PPDPF: variants seen among roughly 807,000 people sequenced by gnomAD.
The protein encoded by PPDPF is exocrine differentiation and proliferation factor.
A neutral mutation model predicts 6.3 loss-of-function variants in PPDPF; 11 were observed. The ratio of observed to expected loss-of-function variants is 1.76; its 90% CI spans 1.11 to 2.91. The LOEUF is 2.91. Ranked by LOEUF, PPDPF falls within the 30% of genes most tolerant of loss-of-function variation. The probability of loss-of-function intolerance (pLI) is 0.00; values close to 1 mark genes in which losing one functional copy is unlikely to be tolerated. For missense variants in PPDPF, 202 were observed against 159.4 expected, an observed-to-expected ratio of 1.27 and a Z score of -1.44; for synonymous variants, 86 against 64.5, an observed-to-expected ratio of 1.33 and a Z score of -1.60.
chr20:63,520,804 G>A lies in PPDPF; in HGVS notation c.-116G>A, dbSNP rs310625. 53,527 of 984,854 alleles carry A rather than the reference G, an allele frequency of 0.054. 2,787 individuals carry two copies. Among genetic ancestry groups the A allele is most frequent in the East Asian group, 0.24 (2,090 of 8,704 alleles). The allele number at this position is 984,854 out of a possible 1,614,324, so 61.0% of individuals were successfully genotyped here. On this transcript the variant is annotated 5_prime_UTR_variant, in exon 1 of 4. Coordinates refer to ENST00000370179, the MANE Select transcript of PPDPF (RefSeq NM_024299.4). ...TCTCTGTCGTGGCGCGGCTTCCCGC[G>A]GTCTTCTCTGCAAATGGGCTCCGTG... is the stretch of plus-strand genomic sequence containing the variant.
intron 1 of PPDPF, 28 bp downstream of exon 1, chr20:63,520,922 G>C: frequency 2.0e-6 from 2 of 1,008,718 alleles, no homozygotes; most frequent in Non-Finnish European, 2.4e-6. Flanking sequence ...CGGGTGGGAC[G>C]AGCAGGCCCG....
rs1600924568 is a variant in PPDPF at position 63,521,540 on chromosome 20, C to G, written c.84C>G (p.Ser28Arg). Reference protein sequence around the residue: ...RRRLGSTSSNSSCSSTECPGE... With the variant: ...RRRLGSTSSNRSCSSTECPGE... The stretch of plus-strand genomic sequence containing the variant: ...GCCTGGGTTCCACTTCCAGCAACAG[C>G]TCCTGCAGCAGTACCGAGTGCCCCG... Residue 28 changes from serine (S) to arginine (R), a missense_variant, in exon 3 of 4, where the codon AGC (serine) becomes AGG (arginine). Ser to Arg is a moderately radical substitution (Grantham distance 110). Coordinates refer to ENST00000370179, the MANE Select transcript of PPDPF (RefSeq NM_024299.4). 2.5e-6 allele frequency: 4 copies of G among 1,592,676 alleles called. No individual in the cohort carries two copies. The East Asian group carries it at 9.0e-5, about 36-fold the overall frequency.
Position 63,521,783 on chromosome 20 carries a change from C to T in PPDPF, c.249C>T (p.Ala83=), listed in dbSNP as rs753571555. 3.1e-6 allele frequency: 5 copies of T among 1,612,742 alleles called. No individual in the cohort carries two copies. The highest frequency in any genetic ancestry group is 1.7e-5 in the Admixed American group (1 of 60,014). Residue 83 remains alanine, a synonymous_variant, in exon 4 of 4, where the codon GCC becomes GCT. Transcript: ENST00000370179. ...CAGAGCACTCGGAACCTCCCCAGGC[C>T]TCCAGCAGCATGACCGCCTGTGGCC... ...ESAEHSEPPQ[A]SSSMTACGLA... is the part of the protein sequence containing the mutation.
At chr20:63,521,630 G>A in intron 3 of PPDPF, 38 bp from the exon 4 acceptor site, 4 of 1,612,708 alleles carry the variant, frequency 2.5e-6, no homozygotes, top group Non-Finnish European at 3.4e-6. Context: ...GCTCCTCCAG[G>A]AGCTGGCAGC....
In PPDPF at chr20:63,521,528, T is replaced by C. The variant is rs753927907; in HGVS notation, c.72T>C (p.Thr24=). ...HDYYRRRLGS[T]SSNSSCSSTE... is the part of the protein sequence containing the mutation. ...CCTCTCCAGGCCGCCTGGGTTCCACTTCCAGCAACAGCTCCTGCAGCAGTA... is the reference window on the plus strand; with the variant it reads ...CCTCTCCAGGCCGCCTGGGTTCCACCTCCAGCAACAGCTCCTGCAGCAGTA... Residue 24 remains threonine, a synonymous_variant, in exon 3 of 4, where the codon ACT becomes ACC. Transcript: ENST00000370179. 2 of 1,584,018 alleles carry C rather than the reference T, an allele frequency of 1.3e-6. No homozygotes were observed. The highest frequency in any genetic ancestry group is 2.2e-5 in the East Asian group (1 of 44,528).
chr20:63,521,125 C>G (rs142390342), intron 1 of PPDPF, among the ~76,000 whole-genome samples, 159 bp from the exon 2 acceptor site: 1,762 of 152,156 alleles, frequency 0.012, 33 homozygotes, highest in African/African-American at 0.037. Flanking sequence ...CCGGTTTGGG[C>G]TGGTTGGAGC....
chr20:63,522,133 C>G lies in PPDPF; in HGVS notation c.*254C>G. 1.8e-6 allele frequency: 1 copy of G among 570,208 alleles called. No individual in the cohort carries two copies. Among genetic ancestry groups the G allele is most frequent in the Non-Finnish European group, 3.2e-6 (1 of 310,196 alleles). The allele number at this position is 570,208 out of a possible 1,614,324, so 35.3% of individuals were successfully genotyped here. A position where few individuals can be genotyped will look rare whatever the true frequency, so the allele number is the denominator to read the frequency against. On this transcript the variant is annotated 3_prime_UTR_variant, in exon 4 of 4. Coordinates refer to ENST00000370179, the MANE Select transcript of PPDPF (RefSeq NM_024299.4). ...GACACCTGGAACTGTGCACCTGGCA[C>G]CAAGCGGAAAATAAACTCCAAGCAG...
chr20:63,521,910 C>A lies in PPDPF; in HGVS notation c.*31C>A. On this transcript the variant is annotated 3_prime_UTR_variant, in exon 4 of 4. Transcript: ENST00000370179. ...GCGGTTACCACCAGCCCCAGGCCTG[C>A]GGAGGCGCTAGTCCACCAGAGCCCC... 6.5e-7 allele frequency: 1 copy of A among 1,532,996 alleles called. No individual in the cohort carries two copies. The highest frequency in any genetic ancestry group is 8.8e-7 in the Non-Finnish European group (1 of 1,134,532). 95.0% of individuals were successfully genotyped at this position (1,532,996 alleles called of 1,614,324 possible). A position where few individuals can be genotyped will look rare whatever the true frequency, so the allele number is the denominator to read the frequency against.
chr20:63,521,355 A>G lies in PPDPF; in HGVS notation c.47A>G (p.Tyr16Cys), dbSNP rs767220477. Residue 16 changes from tyrosine to cysteine, a missense_variant, in exon 2 of 4, where the codon TAC becomes TGC. Transcript: ENST00000370179. ...GGCTCGCTCGTGGCCACCCACGACT[A>G]CTACCGGCGTGAGTAGCCCCTGCCC... Reference protein sequence around the residue: ...SSGSLVATHDYYRRRLGSTSS... With the variant: ...SSGSLVATHDCYRRRLGSTSS... The G allele has an allele frequency of 6.2e-7, 1 of 1,609,160 alleles. No individual in the cohort carries two copies. Among genetic ancestry groups the G allele is most frequent in the Non-Finnish European group, 8.5e-7 (1 of 1,178,524 alleles).
Position 63,522,181 on chromosome 20 carries a change from C to A in PPDPF, c.*302C>A. The A allele has an allele frequency of 2.1e-6, 1 of 476,870 alleles. No individual in the cohort carries two copies. The highest frequency in any genetic ancestry group is 3.9e-6 in the Non-Finnish European group (1 of 255,870). 29.5% of individuals were successfully genotyped at this position (476,870 alleles called of 1,614,324 possible). A position where few individuals can be genotyped will look rare whatever the true frequency, so the allele number is the denominator to read the frequency against. Reference sequence around the variant, plus strand: ...CAGCCAGTAGCCCCGATGGTGTGTGCCTGAGCTGTGTGGCCCGAGGTTCCA... The same window carrying A: ...CAGCCAGTAGCCCCGATGGTGTGTGACTGAGCTGTGTGGCCCGAGGTTCCA... On this transcript the variant is annotated 3_prime_UTR_variant, in exon 4 of 4. Transcript: ENST00000370179.
rs1484739463 is a variant in PPDPF, at chr20:63,520,825, C to T, written c.-95C>T. 1.0e-6 allele frequency: 1 copy of T among 985,582 alleles called. No homozygotes were observed. Among genetic ancestry groups the T allele is most frequent in the African/African-American group, 1.8e-5 (1 of 57,070 alleles). The allele number at this position is 985,582 out of a possible 1,614,324, so 61.1% of individuals were successfully genotyped here. Reference sequence around the variant, plus strand: ...CCGCGGTCTTCTCTGCAAATGGGCTCCGTGGCCTAGCGCCCCCGTCCCCGC... The same window carrying T: ...CCGCGGTCTTCTCTGCAAATGGGCTTCGTGGCCTAGCGCCCCCGTCCCCGC... On this transcript the variant is annotated 5_prime_UTR_variant, in exon 1 of 4. Transcript: ENST00000370179.
chr20:63,521,670 C>T lies in PPDPF; in HGVS notation c.136C>T (p.Leu46Phe), dbSNP rs1418788884. 3 of 1,613,474 alleles carry T rather than the reference C, an allele frequency of 1.9e-6. No homozygotes were observed. The highest frequency in any genetic ancestry group is 2.5e-6 in the Non-Finnish European group (3 of 1,179,984). ...AGACCCCACTTCGCTTCTCTCAGGTCTCCCCAAGGCTGACCCGGGTCATTG... is the reference window on the plus strand; with the variant it reads ...AGACCCCACTTCGCTTCTCTCAGGTTTCCCCAAGGCTGACCCGGGTCATTG... ...PGEAIPHPPG[L>F]PKADPGHWWA... is the part of the protein sequence containing the mutation. The change falls in exon 4 of 4, where the codon CTC becomes TTC. Residue 46 changes from leucine (L) to phenylalanine (F), a missense_variant and splice_region_variant. Physicochemically the swap from Leu to Phe is conservative, Grantham distance 22 (BLOSUM62 0). Coordinates refer to ENST00000370179, the MANE Select transcript of PPDPF (RefSeq NM_024299.4).
rs757967688 is a variant in PPDPF at position 63,521,848 on chromosome 20, C to T, written c.314C>T (p.Ser105Phe). The T allele has an allele frequency of 3.7e-6, 6 of 1,602,084 alleles. 1 individual carries two copies. In the Admixed American group the frequency reaches 5.2e-5, roughly 14 times the overall value. ...DAPRKQPGGQ[S>F]STASAGPPS ...CCGAGGAAGCAGCCCGGCGGTCAGTCCAGCACAGCCAGCGCTGGGCCCCCG... is the reference window on the plus strand; with the variant it reads ...CCGAGGAAGCAGCCCGGCGGTCAGTTCAGCACAGCCAGCGCTGGGCCCCCG... The change falls in exon 4 of 4, where the codon TCC (serine) becomes TTC (phenylalanine). Residue 105 changes from serine (S) to phenylalanine (F), a missense_variant. Ser to Phe is a radical substitution (Grantham distance 155). Coordinates refer to ENST00000370179, the MANE Select transcript of PPDPF (RefSeq NM_024299.4).
chr20:63,522,020 G>A lies in PPDPF; in HGVS notation c.*141G>A, dbSNP rs950302313. On this transcript the variant is annotated 3_prime_UTR_variant, in exon 4 of 4. Transcript: ENST00000370179. Reference sequence around the variant, plus strand: ...CCTGTAAACTAGGCGGCTGCAGCAAGCAGACCTTCGCATCAACACAGCAGA... The same window carrying A: ...CCTGTAAACTAGGCGGCTGCAGCAAACAGACCTTCGCATCAACACAGCAGA... 6 of 687,684 alleles carry A rather than the reference G, an allele frequency of 8.7e-6. No individual in the cohort carries two copies. The highest frequency in any genetic ancestry group is 3.8e-5 in the African/African-American group (2 of 53,052). The allele number at this position is 687,684 out of a possible 1,614,324, so 42.6% of individuals were successfully genotyped here.
Position 63,521,713 on chromosome 20 carries a change from T to A in PPDPF, c.179T>A (p.Phe60Tyr). 1 of 1,613,438 alleles carries A rather than the reference T, an allele frequency of 6.2e-7. No individual in the cohort carries two copies. Among genetic ancestry groups the A allele is most frequent in the Non-Finnish European group, 8.5e-7 (1 of 1,180,002 alleles). Reference protein sequence around the residue: ...DPGHWWASFFFGKSTLPFMAT... With the variant: ...DPGHWWASFFYGKSTLPFMAT... Reference sequence around the variant, plus strand: ...GGTCATTGGTGGGCCAGCTTCTTTTTCGGGAAGTCCACCCTCCCGTTCATG... The same window carrying A: ...GGTCATTGGTGGGCCAGCTTCTTTTACGGGAAGTCCACCCTCCCGTTCATG... The change falls in exon 4 of 4, where the codon TTC (phenylalanine) becomes TAC (tyrosine). Residue 60 changes from phenylalanine to tyrosine, a missense_variant. Coordinates refer to ENST00000370179, the MANE Select transcript of PPDPF (RefSeq NM_024299.4).
Position 63,520,822 on chromosome 20 carries a change from G to A in PPDPF, c.-98G>A, listed in dbSNP as rs2082537587. 2.0e-6 allele frequency: 2 copies of A among 985,336 alleles called. No homozygotes were observed. The highest frequency in any genetic ancestry group is 1.8e-5 in the African/African-American group (1 of 56,972). The allele number at this position is 985,336 out of a possible 1,614,324, so 61.0% of individuals were successfully genotyped here. A position where few individuals can be genotyped will look rare whatever the true frequency, so the allele number is the denominator to read the frequency against. On this transcript the variant is annotated 5_prime_UTR_variant, in exon 1 of 4. Coordinates refer to ENST00000370179, the MANE Select transcript of PPDPF (RefSeq NM_024299.4). ...TTCCCGCGGTCTTCTCTGCAAATGG[G>A]CTCCGTGGCCTAGCGCCCCCGTCCC...
Position 63,521,373 on chromosome 20 carries a change from C to T in PPDPF, c.55+10C>T, listed in dbSNP as rs753843977. On this transcript the variant is annotated intron_variant, in intron 2 of 3. Coordinates refer to ENST00000370179, the MANE Select transcript of PPDPF (RefSeq NM_024299.4). The stretch of plus-strand genomic sequence containing the variant: ...CACGACTACTACCGGCGTGAGTAGC[C>T]CCTGCCCCCCATCCACGCGGATGCT... 3.4e-5 allele frequency: 54 copies of T among 1,606,928 alleles called. No individual in the cohort carries two copies. The South Asian group carries it at 4.4e-4, about 13-fold the overall frequency.
intron 2 of PPDPF, 48 bp from the exon 3 acceptor site, chr20:63,521,464 C>T (rs750221567): frequency 1.3e-6 from 2 of 1,562,096 alleles, no homozygotes; most frequent in South Asian, 1.2e-5. Flanking sequence ...GGCCGGTGGG[C>T]TGGGGGGCTC....
Position 63,522,003 on chromosome 20 carries a change from C to G in PPDPF, c.*124C>G, listed in dbSNP as rs1175782680. On this transcript the variant is annotated 3_prime_UTR_variant, in exon 4 of 4. Transcript: ENST00000370179. ...CACCTCCCACCCCCCACCCTGTAAA[C>G]TAGGCGGCTGCAGCAAGCAGACCTT... 4 of 752,660 alleles carry G rather than the reference C, an allele frequency of 5.3e-6. No individual in the cohort carries two copies. The highest frequency in any genetic ancestry group is 8.8e-6 in the Non-Finnish European group (4 of 452,746). The allele number at this position is 752,660 out of a possible 1,614,324, so 46.6% of individuals were successfully genotyped here. A position where few individuals can be genotyped will look rare whatever the true frequency, so the allele number is the denominator to read the frequency against.
Sources: gnomAD v4.1 joint callset for allele counts (sites outside exome capture counted in the v4.1 genomes callset) on GRCh38, gnomAD v4.1.1 for gene constraint, MANE v1.5 for transcripts, NCBI Gene and HGNC (gene_info 2026-07-23, HGNC 2026-07-21) for gene names.